Variants in CACNA1D observed in about 807,000 individuals in gnomAD.
CACNA1D encodes the protein voltage-dependent L-type calcium channel subunit alpha-1D.
CACNA1D carries 55 observed loss-of-function variants against 257.1 expected under a neutral mutation model. That is an observed-to-expected ratio of 0.21 (90% confidence interval 0.17 to 0.27). The LOEUF is 0.27. Ranked by LOEUF, CACNA1D falls within the 10% of genes least tolerant of loss-of-function variation. The pLI, the probability that CACNA1D is intolerant of heterozygous loss-of-function variation, is 1.00. For synonymous variants in CACNA1D, 980 were observed against 1,014.9 expected (o/e 0.97, Z 0.65); for missense variants, 1,876 against 2,784.0 (o/e 0.67, Z 7.34).
chr3:53,686,680 A>G (rs2094476043), intron 8 of CACNA1D, among the ~76,000 whole-genome samples: 1 of 151,950 alleles, frequency 6.6e-6, no homozygotes. Flanking sequence ...CTCAGCCTGA[A>G]AAAAAAACTA....
At position 53,495,859 on chromosome 3, in the gene CACNA1D, C is replaced by T. The variant is rs1040989618; in HGVS notation, c.67+626C>T. On this transcript the variant is annotated intron_variant, in intron 1 of 47. Transcript: ENST00000350061. This position sits in a 1 kb window ranked among gnomAD's most constrained non-coding sequence, Gnocchi z 5.1. ...CCGGGGAGCCGCTGCCGCTGTGGGG[C>T]TCCCCTCCCCAGCTCTGGCCCGGGC... is the stretch of plus-strand genomic sequence containing the variant. Among the ~76,000 whole-genome samples, 1 of 152,118 alleles carries T rather than the reference C, an allele frequency of 6.6e-6. No individual in the cohort carries two copies. The highest frequency in any genetic ancestry group is 2.4e-5 in the African/African-American group (1 of 41,418).
intron 29 of CACNA1D, among the ~76,000 whole-genome samples, chr3:53,757,921 A>T (rs755886): frequency 0.15 from 23,192 of 152,190 alleles, 1,882 homozygotes; most frequent in African/African-American, 0.17. Flanking sequence ...CGTTACCAAC[A>T]CTACTCCATG....
chr3:53,642,269 A>G (rs1222207529), intron 3 of CACNA1D, among the ~76,000 whole-genome samples: 4 of 152,008 alleles, frequency 2.6e-5, no homozygotes, highest in Non-Finnish European at 5.9e-5. Flanking sequence ...CCCCCTGGCA[A>G]CTCTAGGCTT....
In CACNA1D at chr3:53,800,081, T is replaced by C; in HGVS notation, c.4924-168T>C. On this transcript the variant is annotated intron_variant, in intron 40 of 47. Transcript: ENST00000350061. This position sits in a 1 kb window ranked among gnomAD's most constrained non-coding sequence, Gnocchi z 4.3. The stretch of plus-strand genomic sequence containing the variant: ...TCTTGACCCTCTGGATGCCTGACCA[T>C]ACCAACAACCCTTAGACTGCCTTCA... 1.4e-6 allele frequency: 1 copy of C among 724,266 alleles called. No individual in the cohort carries two copies. The highest frequency in any genetic ancestry group is 2.5e-5 in the East Asian group (1 of 40,584). 44.9% of individuals were successfully genotyped at this position (724,266 alleles called of 1,614,324 possible).
intron 8 of CACNA1D, among the ~76,000 whole-genome samples, chr3:53,691,131 T>G (rs146322304): frequency 6.6e-6 from 1 of 151,636 alleles, no homozygotes; most frequent in Non-Finnish European, 1.5e-5. Context: ...AGAGAGCCCA[T>G]GGTTTTGAAG....
Position 53,752,071 on chromosome 3 carries a change from G to A in CACNA1D, c.3675+164G>A, listed in dbSNP as rs530050557. 7.9e-5 allele frequency among the ~76,000 whole-genome samples: 12 copies of A among 152,222 alleles called. No individual in the cohort carries two copies. In the East Asian group the frequency reaches 1.5e-3, roughly 20 times the overall value. On this transcript the variant is annotated intron_variant, in intron 28 of 47. Coordinates refer to ENST00000350061, the MANE Select transcript of CACNA1D (RefSeq NM_001128840.3). The stretch of plus-strand genomic sequence containing the variant: ...TTCTGTTCTGGCTGACAGTTGTCAC[G>A]GTAGGAGTTTAAGATAGTTCTTTTG...
intron 3 of CACNA1D, among the ~76,000 whole-genome samples, chr3:53,513,641 A>G (rs929869679): frequency 5.9e-5 from 9 of 152,196 alleles, no homozygotes; most frequent in African/African-American, 2.2e-4. Context: ...AAAAATAAAA[A>G]TAAGTAAATT....
Position 53,801,333 on chromosome 3 carries a change from C to G in CACNA1D, c.5316C>G (p.Pro1772=). Residue 1772 remains proline, a synonymous_variant, in exon 42 of 48, where the codon CCC becomes CCG. Coordinates refer to ENST00000350061, the MANE Select transcript of CACNA1D (RefSeq NM_001128840.3). ...NMSKAAHGKR[P]SIGNLEHVSE... Reference sequence around the variant, plus strand: ...CCAAAGCTGCCCATGGAAAGCGGCCCAGCATTGGGAACCTTGAGCATGTGT... The same window carrying G: ...CCAAAGCTGCCCATGGAAAGCGGCCGAGCATTGGGAACCTTGAGCATGTGT... The G allele has an allele frequency of 6.2e-7, 1 of 1,614,160 alleles. No individual in the cohort carries two copies. Among genetic ancestry groups the G allele is most frequent in the Non-Finnish European group, 8.5e-7 (1 of 1,180,016 alleles).
At chr3:53,543,144 A>G (rs2092340070) in intron 3 of CACNA1D, among the ~76,000 whole-genome samples, 2 of 151,496 alleles carry the variant, frequency 1.3e-5, no homozygotes, top group African/African-American at 4.9e-5. Context: ...AAAGAAATAA[A>G]TAAATAAATG....
At chr3:53,614,564 A>C (rs150899619) in intron 3 of CACNA1D, among the ~76,000 whole-genome samples, 7 of 152,346 alleles carry the variant, frequency 4.6e-5, no homozygotes, top group Admixed American at 1.3e-4. Flanking sequence ...ACCAGGAACA[A>C]AATGCTTTCT....
intron 3 of CACNA1D, among the ~76,000 whole-genome samples, chr3:53,581,208 C>A (rs1001056127): frequency 1.3e-5 from 2 of 152,190 alleles, no homozygotes; most frequent in Non-Finnish European, 2.9e-5. Context: ...ATGCTCGGAT[C>A]CCCATGTTTG....
intron 22 of CACNA1D, among the ~76,000 whole-genome samples, chr3:53,744,378 C>T (rs574216828): frequency 5.3e-5 from 8 of 152,226 alleles, no homozygotes; most frequent in African/African-American, 1.9e-4. Context: ...CAAAGTGCTA[C>T]AGCAGACCTC....
chr3:53,786,435 T>C (rs1304620315), intron 39 of CACNA1D: 1 of 248,664 alleles, frequency 4.0e-6, no homozygotes, highest in Non-Finnish European at 7.9e-6. Context: ...TAGTTATACA[T>C]GCAAATCCCT....
chr3:53,562,276 C>T (rs9846173), intron 3 of CACNA1D, among the ~76,000 whole-genome samples: 2,555 of 152,246 alleles, frequency 0.017, 84 homozygotes, highest in African/African-American at 0.058. Context: ...GTTTATAGAT[C>T]TCCTTTTGGG....
In CACNA1D at chr3:53,800,216, G is replaced by A. The variant is rs2095529340; in HGVS notation, c.4924-33G>A. 1 of 1,482,172 alleles carries A rather than the reference G, an allele frequency of 6.7e-7. No homozygotes were observed. Among genetic ancestry groups the A allele is most frequent in the African/African-American group, 1.4e-5 (1 of 72,470 alleles). 91.8% of individuals were successfully genotyped at this position (1,482,172 alleles called of 1,614,324 possible). ...AGGCTGGCCCCAGGGCCCATGTGTG[G>A]TCTAACCTGTTCTGCCATTTTCATT... On this transcript the variant is annotated intron_variant, in intron 40 of 47. Coordinates refer to ENST00000350061, the MANE Select transcript of CACNA1D (RefSeq NM_001128840.3). This position sits in a 1 kb window ranked among gnomAD's most constrained non-coding sequence, Gnocchi z 4.3.
At chr3:53,690,601 G>T (rs150625222) in intron 8 of CACNA1D, among the ~76,000 whole-genome samples, 3 of 152,298 alleles carry the variant, frequency 2.0e-5, no homozygotes, top group East Asian at 1.9e-4. Context: ...CCTGCGGGGG[G>T]ATCTTCTCTA....
In CACNA1D at chr3:53,673,267, G is replaced by C. The variant is rs1374388492; in HGVS notation, c.1220+141G>C. On this transcript the variant is annotated intron_variant, in intron 8 of 47. Coordinates refer to ENST00000350061, the MANE Select transcript of CACNA1D (RefSeq NM_001128840.3). The surrounding 1 kb of genome is among the most constrained non-coding windows in gnomAD (Gnocchi z 4.1). ...CTGAGATGCTTTCTTTTCTGCTGAG[G>C]CTTCCCAAATCAAGCTGTTTCCTGG... The C allele has an allele frequency of 1.6e-6, 1 of 629,766 alleles. No individual in the cohort carries two copies. Among genetic ancestry groups the C allele is most frequent in the Non-Finnish European group, 2.8e-6 (1 of 352,670 alleles). The allele number at this position is 629,766 out of a possible 1,614,324, so 39.0% of individuals were successfully genotyped here. A position where few individuals can be genotyped will look rare whatever the true frequency, so the allele number is the denominator to read the frequency against.
At chr3:53,660,600 C>T (rs1414285136) in intron 5 of CACNA1D, among the ~76,000 whole-genome samples, 1 of 152,084 alleles carries the variant, frequency 6.6e-6, no homozygotes, top group Non-Finnish European at 1.5e-5. Flanking sequence ...AACATGCTGC[C>T]ATCCACGCCT....
At chr3:53,626,775 T>C (rs1181330673) in intron 3 of CACNA1D, among the ~76,000 whole-genome samples, 2 of 152,190 alleles carry the variant, frequency 1.3e-5, no homozygotes, top group Non-Finnish European at 2.9e-5. Flanking sequence ...CATGAAATGG[T>C]TGTATGTTTC....
Sources: gnomAD v4.1 joint callset for allele counts (sites outside exome capture counted in the v4.1 genomes callset) on GRCh38, gnomAD v4.1.1 for gene constraint, Gnocchi (gnomAD v3.1) non-coding constraint, MANE v1.5 for transcripts, NCBI Gene and HGNC (gene_info 2026-07-23, HGNC 2026-07-21) for gene names.